The following LAPTM4B variants were observed in gnomAD, a reference collection of about 807,000 sequenced individuals.
LAPTM4B encodes the protein lysosomal-associated transmembrane protein 4B.
Under a neutral mutation model 28.5 loss-of-function variants are expected in LAPTM4B, and 26 were observed. The observed-to-expected ratio is 0.91, with a 90% CI of 0.67 to 1.27. The LOEUF (loss-of-function observed/expected upper bound fraction) is 1.27, where lower values mean the gene tolerates loss of function less well. Among genes scored for constraint, LAPTM4B ranks in the 50% most tolerant of loss-of-function variants. The probability of loss-of-function intolerance (pLI) is 0.00; values close to 1 mark genes in which losing one functional copy is unlikely to be tolerated. For missense variants in LAPTM4B, 288 were observed against 285.8 expected, an observed-to-expected ratio of 1.01 and a Z score of -0.06; for synonymous variants, 109 against 106.4, an observed-to-expected ratio of 1.02 and a Z score of -0.15.
chr8:97,782,084 A>G (rs1816330008), intron 1 of LAPTM4B, among the ~76,000 whole-genome samples: 1 of 149,860 alleles, frequency 6.7e-6, no homozygotes, highest in South Asian at 2.1e-4. Context: ...AGGTTCAAGC[A>G]ATTCTCCTGC....
At chr8:97,821,554 CAGGTGAGGACGTGAGGAT>C (rs1817003435) in intron 5 of LAPTM4B, among the ~76,000 whole-genome samples, 2 of 127,458 alleles carry the variant, frequency 1.6e-5, no homozygotes, top group African/African-American at 1.1e-4. Flanking sequence ...TAGGGGTGGA[CAGGTGAGGACGTGAGGAT>C]AGAAAGGTAG....
At chr8:97,818,260 G>A (rs1816952779) in intron 4 of LAPTM4B, among the ~76,000 whole-genome samples, 1 of 152,238 alleles carries the variant, frequency 6.6e-6, no homozygotes. Flanking sequence ...AAGCCCATGA[G>A]TCATGGGCCT....
In LAPTM4B at chr8:97,845,289, TA is replaced by T. The variant is rs539511356; in HGVS notation, c.604-6107del. On this transcript the variant is annotated intron_variant, in intron 6 of 6. Coordinates refer to ENST00000521545, the MANE Select transcript of LAPTM4B (RefSeq NM_018407.6). ...TCTGTAGTGTACATTCCCTTTCTCATACAACTCTTGATTTTCCCAAACTAAC... is the reference window on the plus strand; with the variant it reads ...TCTGTAGTGTACATTCCCTTTCTCATCAACTCTTGATTTTCCCAAACTAAC... Among the ~76,000 whole-genome samples the T allele has an allele frequency of 4.9e-4, 75 of 152,272 alleles. 1 individual carries two copies. In the South Asian group the frequency reaches 0.015, roughly 31 times the overall value.
intron 1 of LAPTM4B, among the ~76,000 whole-genome samples, chr8:97,803,502 A>G (rs1816720260): frequency 6.6e-6 from 1 of 152,060 alleles, no homozygotes; most frequent in Non-Finnish European, 1.5e-5. Context: ...TCGAACTCCT[A>G]ATCTCAAGTA....
intron 5 of LAPTM4B, among the ~76,000 whole-genome samples, chr8:97,821,492 C>T (rs1179514182): frequency 6.6e-6 from 1 of 151,920 alleles, no homozygotes. Context: ...TGGGAGTCCA[C>T]ACTATTTATT....
chr8:97,845,008 T>A (rs1425789580), intron 6 of LAPTM4B, among the ~76,000 whole-genome samples: 1 of 152,162 alleles, frequency 6.6e-6, no homozygotes. Context: ...CATCCTCCAC[T>A]TTTTCACCCC....
chr8:97,838,422 C>T (rs1014687842), intron 6 of LAPTM4B, among the ~76,000 whole-genome samples: 21 of 152,192 alleles, frequency 1.4e-4, no homozygotes, highest in Non-Finnish European at 2.9e-4. Context: ...TGGCAGTTGC[C>T]GCCCATCAGG....
intron 1 of LAPTM4B, among the ~76,000 whole-genome samples, chr8:97,795,272 A>G (rs1337868142): frequency 1.3e-5 from 2 of 151,572 alleles, no homozygotes; most frequent in Non-Finnish European, 2.9e-5. Context: ...GCTAAATATT[A>G]TTATTATTTG....
At chr8:97,828,261 AG>A (rs1378920513) in intron 6 of LAPTM4B, among the ~76,000 whole-genome samples, 2 of 152,298 alleles carry the variant, frequency 1.3e-5, no homozygotes, top group South Asian at 2.1e-4. Context: ...AAGCGGGATT[AG>A]GGGTGGCGTG....
chr8:97,850,151 A>G (rs1291065245), intron 6 of LAPTM4B, among the ~76,000 whole-genome samples: 1 of 151,858 alleles, frequency 6.6e-6, no homozygotes, highest in Admixed American at 6.5e-5. Flanking sequence ...TTTCCCCGCC[A>G]TGAGTCAGTT....
At chr8:97,776,641 A>G (rs927508462) in intron 1 of LAPTM4B, among the ~76,000 whole-genome samples, 2 of 151,902 alleles carry the variant, frequency 1.3e-5, no homozygotes, top group Admixed American at 6.6e-5. Flanking sequence ...GCACGTTCGG[A>G]TCCCGAGTTG....
chr8:97,831,811 G>C (rs1331422247), intron 6 of LAPTM4B, among the ~76,000 whole-genome samples: 1 of 152,216 alleles, frequency 6.6e-6, no homozygotes, highest in East Asian at 1.9e-4. Flanking sequence ...TGTGGGCGCA[G>C]ACGTTTCCTT....
At chr8:97,809,062 A>G (rs1354088659) in intron 2 of LAPTM4B, among the ~76,000 whole-genome samples, 1 of 152,218 alleles carries the variant, frequency 6.6e-6, no homozygotes, top group Non-Finnish European at 1.5e-5. Flanking sequence ...ATTAACATCC[A>G]GGACATTATA....
chr8:97,822,042 C>A (rs7826400), intron 5 of LAPTM4B, among the ~76,000 whole-genome samples: 1 of 152,116 alleles, frequency 6.6e-6, no homozygotes, highest in Non-Finnish European at 1.5e-5. Flanking sequence ...ATTTTACACA[C>A]GGATGTTGGG....
At chr8:97,801,667 C>T (rs368602426) in intron 1 of LAPTM4B, among the ~76,000 whole-genome samples, 2 of 151,870 alleles carry the variant, frequency 1.3e-5, no homozygotes, top group South Asian at 2.1e-4. Context: ...TATGGTGAAA[C>T]GCTGTCTCTA....
chr8:97,783,399 A>G (rs1244319663), intron 1 of LAPTM4B, among the ~76,000 whole-genome samples: 2 of 152,222 alleles, frequency 1.3e-5, no homozygotes, highest in African/African-American at 4.8e-5. Context: ...AAAGGAAACC[A>G]GAATATCTCA....
chr8:97,795,528 C>T (rs185389639), intron 1 of LAPTM4B, among the ~76,000 whole-genome samples: 160 of 152,180 alleles, frequency 1.1e-3, no homozygotes, highest in African/African-American at 3.7e-3. Flanking sequence ...AATGGTTTGC[C>T]GTAGAGTTTA....
chr8:97,781,092 C>T (rs1290717710), intron 1 of LAPTM4B, among the ~76,000 whole-genome samples: 3 of 150,852 alleles, frequency 2.0e-5, no homozygotes, highest in Admixed American at 2.0e-4. Flanking sequence ...TGGGTTCAAG[C>T]GATTCTCCTG....
rs60401098 is a variant in LAPTM4B at position 97,789,772 on chromosome 8, C to T, written c.99+13664C>T. Among the ~76,000 whole-genome samples the T allele has an allele frequency of 5.7e-3, 856 of 151,370 alleles. 11 individuals carry two copies. Among genetic ancestry groups the T allele is most frequent in the African/African-American group, 0.02 (814 of 41,262 alleles). ...CTGACCTCAGGTGATCTGCCTGCCT[C>T]GGCCTCCCAAAGTGCTGGGATTACA... is the stretch of plus-strand genomic sequence containing the variant. On this transcript the variant is annotated intron_variant, in intron 1 of 6. Transcript: ENST00000521545.
Sources: allele counts gnomAD v4.1 joint callset (sites outside exome capture counted in the v4.1 genomes callset), GRCh38; gene constraint gnomAD v4.1.1; transcripts MANE v1.5; gene names NCBI Gene and HGNC (gene_info 2026-07-23, HGNC 2026-07-21).